Variants in CCL22 observed in about 807,000 individuals in gnomAD.
The protein encoded by CCL22 is C-C motif chemokine 22.
In CCL22, 7 loss-of-function variants were observed where a neutral mutation model predicts 7.6. That is an observed-to-expected ratio of 0.92 (90% CI 0.52 to 1.72). CCL22 has a LOEUF of 1.72. Among genes scored for constraint, CCL22 ranks in the 40% most tolerant of loss-of-function variants. The probability of loss-of-function intolerance (pLI) is 0.00; values close to 1 mark genes in which losing one functional copy is unlikely to be tolerated. For synonymous variants in CCL22, 55 were observed against 47.2 expected (o/e 1.17, Z -0.68); for missense variants, 115 against 124.7 (o/e 0.92, Z 0.37).
chr16:57,360,443 A>G lies in CCL22; in HGVS notation c.80A>G (p.Tyr27Cys). Residue 27 changes from tyrosine to cysteine, a missense_variant, in exon 2 of 3, where the codon TAC becomes TGC. Transcript: ENST00000219235. ...CTGGGGACCCCTCCCCTAGGCCCCT[A>G]CGGCGCCAACATGGAAGACAGCGTC... ...VALQATEAGP[Y>C]GANMEDSVCC... 6.2e-7 allele frequency: 1 copy of G among 1,614,122 alleles called. No homozygotes were observed. Among genetic ancestry groups the G allele is most frequent in the Non-Finnish European group, 8.5e-7 (1 of 1,179,992 alleles).
At chr16:57,363,021 C>T (rs1161251036) in intron 2 of CCL22, among the ~76,000 whole-genome samples, 1 of 151,494 alleles carries the variant, frequency 6.6e-6, no homozygotes, top group Admixed American at 6.6e-5. Context: ...GACACGGGGT[C>T]TCATTCTGTT....
Position 57,363,582 on chromosome 16 carries a change from C to T in CCL22, c.276C>T (p.Ser92=), listed in dbSNP as rs780687757. Residue 92 remains serine, a synonymous_variant, in exon 3 of 3, where the codon AGC becomes AGT. Coordinates refer to ENST00000219235, the MANE Select transcript of CCL22 (RefSeq NM_002990.5). Reference sequence around the variant, plus strand: ...TGAAGATGATTCTCAATAAGCTGAGCCAATGAAGAGCCTACTCTGATGACC... The same window carrying T: ...TGAAGATGATTCTCAATAAGCTGAGTCAATGAAGAGCCTACTCTGATGACC... ...PWVKMILNKL[S]Q The T allele has an allele frequency of 3.1e-6, 5 of 1,609,362 alleles. No individual in the cohort carries two copies. In the South Asian group the frequency reaches 5.5e-5, roughly 18 times the overall value.
upstream of CCL22, among the ~76,000 whole-genome samples, chr16:57,357,958 C>T (rs1436965424): frequency 6.6e-6 from 1 of 152,136 alleles, no homozygotes; most frequent in African/African-American, 2.4e-5. Flanking sequence ...CGGCAGGGTT[C>T]TGAAGCAGGA....
At chr16:57,358,707 G>A (rs1291132667), upstream of CCL22, 18 of 789,748 alleles carry the variant, frequency 2.3e-5, no homozygotes, top group East Asian at 9.9e-5. Context: ...TGGGCACCCC[G>A]GTGACTAAGA....
chr16:57,358,663 GTTC>G (rs1258333692), upstream of CCL22: 4 of 664,526 alleles, frequency 6.0e-6, no homozygotes, highest in South Asian at 1.7e-5. Flanking sequence ...GTGGGAGGTA[GTTC>G]TTCTTTTGAG....
intron 2 of CCL22, among the ~76,000 whole-genome samples, chr16:57,362,342 T>A (rs1156818554): frequency 6.6e-6 from 1 of 152,060 alleles, no homozygotes; most frequent in Non-Finnish European, 1.5e-5. Flanking sequence ...TAAAAAAGGC[T>A]GAGTGCAGTG....
At position 57,363,873 on chromosome 16, in the gene CCL22, T is replaced by A. The variant is rs1902076251; in HGVS notation, c.*285T>A. The A allele has an allele frequency of 3.0e-6, 1 of 334,814 alleles. No individual in the cohort carries two copies. Among genetic ancestry groups the A allele is most frequent in the Non-Finnish European group, 5.6e-6 (1 of 178,052 alleles). The allele number at this position is 334,814 out of a possible 1,614,324, so 20.7% of individuals were successfully genotyped here. ...TCCATGACTCCCCACTGCCCTAAGCTGAGGTCAGTCTCCCAAGCCTGGCAT... is the reference window on the plus strand; with the variant it reads ...TCCATGACTCCCCACTGCCCTAAGCAGAGGTCAGTCTCCCAAGCCTGGCAT... On this transcript the variant is annotated 3_prime_UTR_variant, in exon 3 of 3. Coordinates refer to ENST00000219235, the MANE Select transcript of CCL22 (RefSeq NM_002990.5).
chr16:57,365,422 GA>G lies in CCL22; in HGVS notation c.*1835del, dbSNP rs1466810071. 9 of 152,412 alleles carry G rather than the reference GA, an allele frequency of 5.9e-5. No homozygotes were observed. Among genetic ancestry groups the G allele is most frequent in the Admixed American group, 5.2e-4 (8 of 15,300 alleles). The allele number at this position is 152,412 out of a possible 1,614,324, so 9.4% of individuals were successfully genotyped here. A position where few individuals can be genotyped will look rare whatever the true frequency, so the allele number is the denominator to read the frequency against. ...AATGGAAGAATTTTAGGAACTGTGA[GA>G]GGGGGACAAGGTGGAGCTTTCCTGG... On this transcript the variant is annotated 3_prime_UTR_variant, in exon 3 of 3. Coordinates refer to ENST00000219235, the MANE Select transcript of CCL22 (RefSeq NM_002990.5).
intron 2 of CCL22, among the ~76,000 whole-genome samples, chr16:57,361,556 G>T (rs1314021645): frequency 6.6e-6 from 1 of 152,198 alleles, no homozygotes; most frequent in East Asian, 1.9e-4. Context: ...CTCACTCCTG[G>T]TTCCTCGTTC....
chr16:57,362,112 G>A (rs747957209), intron 2 of CCL22, among the ~76,000 whole-genome samples: 2 of 152,126 alleles, frequency 1.3e-5, no homozygotes, highest in African/African-American at 2.4e-5. Flanking sequence ...GAGGAAATGA[G>A]CACAAAAAGG....
intron 1 of CCL22, 59 bp from the exon 2 acceptor site, chr16:57,360,378 G>T: frequency 1.2e-6 from 2 of 1,605,706 alleles, no homozygotes; most frequent in Non-Finnish European, 8.5e-7. Flanking sequence ...CAGGGGCTGG[G>T]GCCGAGGGTG....
Position 57,363,756 on chromosome 16 carries a change from A to G in CCL22, c.*168A>G, listed in dbSNP as rs928743371. 2 of 606,874 alleles carry G rather than the reference A, an allele frequency of 3.3e-6. No homozygotes were observed. Among genetic ancestry groups the G allele is most frequent in the Admixed American group, 2.7e-5 (1 of 36,922 alleles). The allele number at this position is 606,874 out of a possible 1,614,324, so 37.6% of individuals were successfully genotyped here. Reference sequence around the variant, plus strand: ...TGGTCACCTCCGTGCTGTCACTGCCATCTCCCCCCTGACCCCTCTAACCCA... The same window carrying G: ...TGGTCACCTCCGTGCTGTCACTGCCGTCTCCCCCCTGACCCCTCTAACCCA... On this transcript the variant is annotated 3_prime_UTR_variant, in exon 3 of 3. Transcript: ENST00000219235.
chr16:57,360,546 G>A lies in CCL22; in HGVS notation c.183G>A (p.Pro61=), dbSNP rs141454356. 1.0e-3 allele frequency: 1,666 copies of A among 1,614,030 alleles called. 1 individual carries two copies. Among genetic ancestry groups the A allele is most frequent in the Non-Finnish European group, 1.3e-3 (1,589 of 1,180,018 alleles). ...KHFYWTSDSC[P]RPGVVLLTFR... ...TCTACTGGACCTCAGACTCCTGCCC[G>A]AGGCCTGGCGTGGTGTGAGTAGGGA... The change falls in exon 2 of 3, where the codon CCG becomes CCA. Residue 61 remains proline, a synonymous_variant. Coordinates refer to ENST00000219235, the MANE Select transcript of CCL22 (RefSeq NM_002990.5).
intron 2 of CCL22, among the ~76,000 whole-genome samples, chr16:57,362,490 A>T (rs776835248): frequency 1.3e-5 from 2 of 152,066 alleles, no homozygotes; most frequent in Non-Finnish European, 2.9e-5. Flanking sequence ...ATATGTGATC[A>T]CTGGATTTTG....
chr16:57,358,813 GAGCAT>G lies in CCL22; in HGVS notation c.-3_2del. The G allele has an allele frequency of 1.3e-5, 21 of 1,611,872 alleles. No individual in the cohort carries two copies. Among genetic ancestry groups the G allele is most frequent in the Non-Finnish European group, 1.8e-5 (21 of 1,177,948 alleles). On this transcript the variant is annotated start_lost and 5_prime_UTR_variant, in exon 1 of 3. Transcript: ENST00000219235. ...CACCTGGGCTGAGACATACAGGACA[GAGCAT>G]GGATCGCCTACAGACTGCACTCCTG...
chr16:57,362,789 A>G (rs1902063405), intron 2 of CCL22, among the ~76,000 whole-genome samples: 1 of 151,996 alleles, frequency 6.6e-6, no homozygotes, highest in Non-Finnish European at 1.5e-5. Flanking sequence ...TGAACCCAGG[A>G]GTTGGAGGTT....
At chr16:57,363,394 G>A in intron 2 of CCL22, 110 bp from the exon 3 acceptor site, 1 of 676,884 alleles carries the variant, frequency 1.5e-6, no homozygotes, top group Non-Finnish European at 2.7e-6. Flanking sequence ...ACTCATAAAT[G>A]CTGAGCCCTG....
intron 2 of CCL22, among the ~76,000 whole-genome samples, chr16:57,361,123 A>G (rs1343891502): frequency 1.3e-5 from 2 of 151,960 alleles, no homozygotes; most frequent in Non-Finnish European, 2.9e-5. Context: ...GCTGAGTGTG[A>G]TGGTGCGTGC....
rs376775833 is a variant in CCL22, at chr16:57,365,481, GCTCT to G, written c.*1902_*1905del. Reference sequence around the variant, plus strand: ...AGGAAGCTGGCTGTGGTAGCGTAGCGCTCTCTCTCTCTGTCTGTGGCAGGAGGCA... The same window carrying G: ...AGGAAGCTGGCTGTGGTAGCGTAGCGCTCTCTCTGTCTGTGGCAGGAGGCA... On this transcript the variant is annotated 3_prime_UTR_variant, in exon 3 of 3. Transcript: ENST00000219235. 5.3e-5 allele frequency: 8 copies of G among 152,118 alleles called. No individual in the cohort carries two copies. In the East Asian group the frequency reaches 1.2e-3, roughly 22 times the overall value. The allele number at this position is 152,118 out of a possible 1,614,324, so 9.4% of individuals were successfully genotyped here.
Sources: gnomAD v4.1 joint callset for allele counts (sites outside exome capture counted in the v4.1 genomes callset) on GRCh38, gnomAD v4.1.1 for gene constraint, MANE v1.5 for transcripts, NCBI Gene and HGNC (gene_info 2026-07-23, HGNC 2026-07-21) for gene names.